The following CSMD1 variants were observed in gnomAD, a reference collection of about 807,000 sequenced individuals.
CSMD1 encodes the protein CUB and Sushi multiple domains 1, also known as CUB and sushi domain-containing protein 1.
CSMD1 carries 213 observed loss-of-function variants against 417.5 expected under a neutral mutation model. The ratio of observed to expected loss-of-function variants is 0.51; its 90% CI spans 0.46 to 0.57. The LOEUF (loss-of-function observed/expected upper bound fraction) is 0.57. Among genes scored for constraint, CSMD1 ranks in the 20% least tolerant of loss-of-function variants. CSMD1 has a pLI of 0.00. For missense variants in CSMD1, 6,923 were observed against 4,529.7 expected (o/e 1.53, Z -15.17); for synonymous variants, 2,862 against 1,736.8 (o/e 1.65, Z -16.11).
At chr8:4,281,701 G>C (rs1796794418) in intron 3 of CSMD1, among the ~76,000 whole-genome samples, 1 of 152,044 alleles carries the variant, frequency 6.6e-6, no homozygotes, top group Non-Finnish European at 1.5e-5. Context: ...ATACATACAA[G>C]TCATTTTTTG....
chr8:4,620,004 G>C (rs914259308), intron 2 of CSMD1, among the ~76,000 whole-genome samples: 15 of 152,004 alleles, frequency 9.9e-5, no homozygotes, highest in African/African-American at 3.4e-4. Context: ...ATGTTCTTAA[G>C]CATTGATTTT....
chr8:4,316,338 C>T (rs1045084905), intron 3 of CSMD1, among the ~76,000 whole-genome samples: 3 of 152,028 alleles, frequency 2.0e-5, no homozygotes, highest in Admixed American at 6.6e-5. Flanking sequence ...TTATTCCAAG[C>T]GGTTTCTTAG....
intron 3 of CSMD1, among the ~76,000 whole-genome samples, chr8:4,073,396 T>A (rs1259529333): frequency 6.6e-6 from 1 of 152,054 alleles, no homozygotes; most frequent in East Asian, 1.9e-4. Context: ...AAAAAGTAAA[T>A]TTAGAAGAAG....
At chr8:4,569,843 G>C (rs1005510343) in intron 2 of CSMD1, among the ~76,000 whole-genome samples, 3 of 152,214 alleles carry the variant, frequency 2.0e-5, no homozygotes, top group African/African-American at 7.2e-5. Context: ...AGTTCTCCTT[G>C]AAGAAGTCCT....
At chr8:3,116,377 C>T (rs1246339372) in intron 42 of CSMD1, among the ~76,000 whole-genome samples, 7 of 152,082 alleles carry the variant, frequency 4.6e-5, no homozygotes, top group Non-Finnish European at 8.8e-5. Flanking sequence ...TATGTGGCAT[C>T]CTCCTGGACT....
chr8:4,915,697 A>G (rs906837311), intron 1 of CSMD1, among the ~76,000 whole-genome samples: 4 of 152,186 alleles, frequency 2.6e-5, no homozygotes, highest in Non-Finnish European at 5.9e-5. Flanking sequence ...ATTTCGGGAG[A>G]GGGTCACGCC....
At chr8:4,808,443 C>G (rs192565475) in intron 1 of CSMD1, among the ~76,000 whole-genome samples, 45 of 152,264 alleles carry the variant, frequency 3.0e-4, no homozygotes, top group Admixed American at 1.4e-3. Flanking sequence ...AAGAATTAAG[C>G]TCTTGTAACT....
chr8:4,034,832 T>G (rs1426664447), intron 3 of CSMD1, among the ~76,000 whole-genome samples: 1 of 152,178 alleles, frequency 6.6e-6, no homozygotes. Context: ...CAACAGAAGG[T>G]GTCCAGATAA....
intron 14 of CSMD1, 134 bp from the exon 15 acceptor site, chr8:3,406,355 C>A: frequency 3.2e-6 from 2 of 620,028 alleles, no homozygotes; most frequent in Non-Finnish European, 5.0e-6. Flanking sequence ...TCAGTTGTAT[C>A]ATTCATAGAT....
At chr8:3,683,939 T>C (rs984579636) in intron 7 of CSMD1, among the ~76,000 whole-genome samples, 1 of 151,892 alleles carries the variant, frequency 6.6e-6, no homozygotes, top group African/African-American at 2.4e-5. Flanking sequence ...TTTTAGCAAA[T>C]TTAGGACAAT....
At chr8:3,691,348 C>A (rs1473958156) in intron 7 of CSMD1, among the ~76,000 whole-genome samples, 7 of 150,238 alleles carry the variant, frequency 4.7e-5, no homozygotes, top group African/African-American at 9.9e-5. Flanking sequence ...GCATGGGTGA[C>A]AGAGCAAGAC....
chr8:4,228,751 T>C (rs1801520032), intron 3 of CSMD1, among the ~76,000 whole-genome samples: 1 of 152,150 alleles, frequency 6.6e-6, no homozygotes, highest in Non-Finnish European at 1.5e-5. Flanking sequence ...TGGTGGGATC[T>C]TAGCTCAATG....
At chr8:4,559,265 C>A (rs1412771423) in intron 2 of CSMD1, among the ~76,000 whole-genome samples, 1 of 151,978 alleles carries the variant, frequency 6.6e-6, no homozygotes, top group East Asian at 1.9e-4. Flanking sequence ...AACAAAAGTC[C>A]AAACTTAAAT....
chr8:4,478,956 A>G (rs1306221206), intron 2 of CSMD1, among the ~76,000 whole-genome samples: 3 of 152,184 alleles, frequency 2.0e-5, no homozygotes, highest in Non-Finnish European at 4.4e-5. Context: ...AATTTTCTCA[A>G]CCTTAGTTTA....
intron 3 of CSMD1, among the ~76,000 whole-genome samples, chr8:4,208,956 C>T (rs534569718): frequency 6.6e-6 from 1 of 152,314 alleles, no homozygotes; most frequent in South Asian, 2.1e-4. Flanking sequence ...TTGCAGTACG[C>T]AATTTAGAGC....
At chr8:4,403,040 C>T (rs982579489) in intron 3 of CSMD1, among the ~76,000 whole-genome samples, 1 of 151,696 alleles carries the variant, frequency 6.6e-6, no homozygotes, top group Non-Finnish European at 1.5e-5. Flanking sequence ...ACCACGTTGG[C>T]CAGGATGGTC....
chr8:4,282,523 A>C (rs972672989), intron 3 of CSMD1, among the ~76,000 whole-genome samples: 11 of 152,214 alleles, frequency 7.2e-5, no homozygotes, highest in Non-Finnish European at 1.6e-4. Flanking sequence ...TTGCGTTTGT[A>C]AAGCAACTAA....
intron 5 of CSMD1, among the ~76,000 whole-genome samples, chr8:3,761,457 C>T (rs1291660401): frequency 2.0e-5 from 3 of 150,252 alleles, no homozygotes; most frequent in Non-Finnish European, 3.0e-5. Context: ...AAAACTGTAC[C>T]ACAGAAGAGT....
intron 3 of CSMD1, among the ~76,000 whole-genome samples, chr8:4,312,450 C>T (rs11783000): frequency 0.69 from 85,551 of 123,508 alleles, 30,776 homozygotes; most frequent in Admixed American, 0.8. Context: ...TATATATATA[C>T]GTATATATAT....
Sources: gnomAD v4.1 joint callset for allele counts (sites outside exome capture counted in the v4.1 genomes callset) on GRCh38, gnomAD v4.1.1 for gene constraint, MANE v1.5 for transcripts, NCBI Gene and HGNC (gene_info 2026-07-23, HGNC 2026-07-21) for gene names.